Variants in STK3 observed in about 807,000 individuals in gnomAD.
The protein encoded by STK3 is serine/threonine kinase 3.
Under a neutral mutation model 58.0 loss-of-function variants are expected in STK3, and 41 were observed. The observed-to-expected ratio is 0.71, with a 90% CI of 0.55 to 0.92. The LOEUF is 0.92. Among genes scored for constraint, STK3 ranks in the 40% least tolerant of loss-of-function variants. STK3 has a pLI of 0.00. For synonymous variants in STK3, 170 were observed against 191.0 expected (o/e 0.89, Z 0.91); for missense variants, 479 against 602.7 (o/e 0.79, Z 2.15).
chr8:98,863,966 G>A (rs1310564522), intron 3 of STK3, among the ~76,000 whole-genome samples: 7 of 152,020 alleles, frequency 4.6e-5, no homozygotes, highest in Non-Finnish European at 8.8e-5. Context: ...GGAGGCCGAG[G>A]CAGGCAGATC....
intron 7 of STK3, among the ~76,000 whole-genome samples, chr8:98,590,355 C>T (rs1815184953): frequency 2.0e-5 from 3 of 152,072 alleles, no homozygotes; most frequent in Admixed American, 6.6e-5. Context: ...GCTCGGCGTC[C>T]GTGATGGGGT....
intron 1 of STK3, chr8:98,905,413 G>T: frequency 7.8e-7 from 1 of 1,288,740 alleles, no homozygotes; most frequent in Non-Finnish European, 1.1e-6. Flanking sequence ...GTACAAGTGG[G>T]ACTGATGTTA....
exon 2 of STK3, chr8:98,437,129 C>T (rs902494753): frequency 2.0e-5 from 3 of 152,312 alleles, no homozygotes; most frequent in African/African-American, 7.2e-5. Context: ...ACCGTTGGTG[C>T]TCCTGTTGAA....
rs745804050 is a variant in STK3, at chr8:98,596,107, A to C, written c.747T>G (p.Asp249Glu). ...PTFRKPELWS[D>E]DFTDFVKKCL... ...ACTTTTTAACAAAATCGGTGAAATC[A>C]TCGGACCAAAGTTCTGGCTTTCTGA... The change falls in exon 7 of 11, where the codon GAT (aspartate) becomes GAG (glutamate). Residue 249 changes from aspartate to glutamate, a missense_variant. Transcript: ENST00000419617. 3 of 1,613,318 alleles carry C rather than the reference A, an allele frequency of 1.9e-6. No homozygotes were observed. Among genetic ancestry groups the C allele is most frequent in the Non-Finnish European group, 2.5e-6 (3 of 1,179,598 alleles).
At chr8:98,440,740 T>C (rs1441979337) in intron 1 of STK3, among the ~76,000 whole-genome samples, 3 of 152,246 alleles carry the variant, frequency 2.0e-5, no homozygotes, top group Admixed American at 2.0e-4. Flanking sequence ...ATGATGTTAA[T>C]AGCTAACATT....
At chr8:98,923,852 TGTGCGCGC>T (rs1473184175) in intron 1 of STK3, among the ~76,000 whole-genome samples, 2,263 of 128,316 alleles carry the variant, frequency 0.018, 52 homozygotes, top group African/African-American at 0.06. Context: ...TGTGTGTGTG[TGTGCGCGC>T]GCGCGCGCGC....
the STK3 span, among the ~76,000 whole-genome samples, chr8:98,355,344 G>A: frequency 3.3e-5 from 5 of 152,212 alleles, no homozygotes; most frequent in African/African-American, 1.2e-4. Flanking sequence ...TTCTTTGCAT[G>A]TGGCAGAAAA....
At chr8:98,442,201 C>T (rs914664787) in intron 1 of STK3, among the ~76,000 whole-genome samples, 2 of 152,184 alleles carry the variant, frequency 1.3e-5, no homozygotes, top group Admixed American at 1.3e-4. Flanking sequence ...CACCACTGCC[C>T]TATCATAATT....
the STK3 span, among the ~76,000 whole-genome samples, chr8:98,364,490 A>G: frequency 6.6e-6 from 1 of 152,026 alleles, no homozygotes; most frequent in South Asian, 2.1e-4. Context: ...ATTCCAAGCC[A>G]TATTTCTCTT....
intron 3 of STK3, among the ~76,000 whole-genome samples, chr8:98,862,592 T>C (rs947564823): frequency 1.3e-5 from 2 of 152,246 alleles, no homozygotes; most frequent in Admixed American, 1.3e-4. Flanking sequence ...GATGGCTCAA[T>C]GCCAGACCGA....
In STK3 at chr8:98,445,272, C is replaced by T. The variant is rs376499909; in HGVS notation, n.186-8064G>A. Reference sequence around the variant, plus strand: ...TGGATATACATTTCATTTATCCATTCATCAGCTGATGGATGCGTTTAGCTA... The same window carrying T: ...TGGATATACATTTCATTTATCCATTTATCAGCTGATGGATGCGTTTAGCTA... On this transcript the variant is annotated intron_variant and non_coding_transcript_variant, in intron 1 of 3. Coordinates refer to the STK3 transcript ENST00000517832. 3.9e-5 allele frequency among the ~76,000 whole-genome samples: 6 copies of T among 152,216 alleles called. No individual in the cohort carries two copies. The South Asian group carries it at 8.3e-4, about 21-fold the overall frequency.
chr8:98,621,675 T>C (rs1189027660), intron 6 of STK3, among the ~76,000 whole-genome samples: 1 of 152,176 alleles, frequency 6.6e-6, no homozygotes. Flanking sequence ...AGTCTGTTAA[T>C]ATGGTGCATT....
At chr8:98,916,466 G>A (rs545478995) in intron 1 of STK3, among the ~76,000 whole-genome samples, 57 of 152,232 alleles carry the variant, frequency 3.7e-4, no homozygotes, top group Admixed American at 1.5e-3. Context: ...AGCTTCTAGC[G>A]TAGTGCTGGA....
intron 10 of STK3, among the ~76,000 whole-genome samples, chr8:98,459,315 T>G (rs918022488): frequency 6.6e-6 from 1 of 152,224 alleles, no homozygotes; most frequent in African/African-American, 2.4e-5. Context: ...GGAATAAATT[T>G]CTAAGCAGCA....
chr8:98,389,302 C>T (rs553477875), upstream of STK3, among the ~76,000 whole-genome samples: 12 of 152,254 alleles, frequency 7.9e-5, no homozygotes, highest in South Asian at 8.3e-4. Flanking sequence ...CTTGGCACTC[C>T]GAAATGACAT....
At chr8:98,762,300 G>C (rs778986569) in intron 3 of STK3, among the ~76,000 whole-genome samples, 44 of 152,082 alleles carry the variant, frequency 2.9e-4, no homozygotes, top group Non-Finnish European at 5.9e-4. Context: ...CTGTCACCCA[G>C]ACTGGAGTGC....
At chr8:98,738,471 C>T (rs1303474654) in intron 4 of STK3, among the ~76,000 whole-genome samples, 1 of 151,818 alleles carries the variant, frequency 6.6e-6, no homozygotes, top group East Asian at 1.9e-4. Context: ...GAAACTCCGA[C>T]TCAAAATAAA....
At chr8:98,877,045 A>G (rs1837582646) in intron 3 of STK3, among the ~76,000 whole-genome samples, 1 of 152,240 alleles carries the variant, frequency 6.6e-6, no homozygotes, top group Non-Finnish European at 1.5e-5. Flanking sequence ...TTTGTTACAC[A>G]CTTTGTAAGC....
chr8:98,681,745 A>C (rs918778041), intron 6 of STK3, among the ~76,000 whole-genome samples: 3 of 152,206 alleles, frequency 2.0e-5, no homozygotes, highest in African/African-American at 7.2e-5. Context: ...TTCTACCCCT[A>C]AACTCCCAAA....
Sources: gnomAD v4.1 joint callset for allele counts (sites outside exome capture counted in the v4.1 genomes callset) on GRCh38, gnomAD v4.1.1 for gene constraint, MANE v1.5 for transcripts, NCBI Gene and HGNC (gene_info 2026-07-23, HGNC 2026-07-21) for gene names.